The following NEDD9 variants were observed in gnomAD, a reference collection of about 807,000 sequenced individuals.
The protein encoded by NEDD9 is enhancer of filamentation 1.
Under a neutral mutation model 76.6 loss-of-function variants are expected in NEDD9, and 26 were observed. The ratio of observed to expected loss-of-function variants is 0.34; its 90% CI spans 0.25 to 0.47. The LOEUF is 0.47. Among genes scored for constraint, NEDD9 ranks in the 20% least tolerant of loss-of-function variants. The pLI is 1.00. For synonymous variants in NEDD9, 392 were observed against 414.2 expected (o/e 0.95, Z 0.65); for missense variants, 937 against 1,058.5 (o/e 0.89, Z 1.59).
intron 2 of NEDD9, chr6:11,201,125 G>A: frequency 6.4e-7 from 1 of 1,552,650 alleles, no homozygotes; most frequent in Non-Finnish European, 8.9e-7. Context: ...AAGTCTCCTT[G>A]GGGGCACTTC....
intron 2 of NEDD9, among the ~76,000 whole-genome samples, chr6:11,204,750 GA>G (rs1325786764): frequency 1.4e-5 from 2 of 140,134 alleles, no homozygotes; most frequent in African/African-American, 2.7e-5. Flanking sequence ...AAGAAAGAAA[GA>G]AAAGAAAAGG....
intron 3 of NEDD9, among the ~76,000 whole-genome samples, chr6:11,278,769 G>A (rs1345891508): frequency 6.6e-6 from 1 of 152,164 alleles, no homozygotes; most frequent in Non-Finnish European, 1.5e-5. Context: ...TTCTGGAGAT[G>A]GGACCCAGGA....
At position 11,347,805 on chromosome 6, in the gene NEDD9, A is replaced by G. The variant is rs139625305; in HGVS notation, c.-213-13244T>C. 3.3e-3 allele frequency among the ~76,000 whole-genome samples: 506 copies of G among 152,316 alleles called. 16 individuals carry two copies. The East Asian group carries it at 0.082, about 25-fold the overall frequency. On this transcript the variant is annotated intron_variant, in intron 1 of 3. Transcript: ENST00000397378. ...AAGAAACATACCTCAAAATAATAAG[A>G]GCCATCTGTGACAAACTCACAGCCA...
intron 2 of NEDD9, among the ~76,000 whole-genome samples, chr6:11,309,810 A>C (rs1232337832): frequency 6.6e-6 from 1 of 152,210 alleles, no homozygotes; most frequent in East Asian, 1.9e-4. Flanking sequence ...TGCTAATAAC[A>C]TCAGTAGAGG....
rs558182093 is a variant in NEDD9, at chr6:11,298,403, T to C, written c.12+7589A>G. On this transcript the variant is annotated intron_variant, in intron 3 of 3. Transcript: ENST00000397378. The stretch of plus-strand genomic sequence containing the variant: ...CCTCAAAGGCCCTTTTGACTCAACA[T>C]AGATAATTCTAAAGCAAATTAAAAA... Among the ~76,000 whole-genome samples, 57 of 152,324 alleles carry C rather than the reference T, an allele frequency of 3.7e-4. No homozygotes were observed. In the South Asian group the frequency reaches 0.011, roughly 30 times the overall value.
At chr6:11,330,823 A>T (rs1762021045) in intron 2 of NEDD9, among the ~76,000 whole-genome samples, 1 of 152,210 alleles carries the variant, frequency 6.6e-6, no homozygotes, top group African/African-American at 2.4e-5. Context: ...AAGTCCATGA[A>T]AGCCTCATTG....
chr6:11,282,376 C>A (rs921323784), intron 3 of NEDD9, among the ~76,000 whole-genome samples: 5 of 152,182 alleles, frequency 3.3e-5, no homozygotes, highest in African/African-American at 4.8e-5. Context: ...AGCAAGTCAC[C>A]ACATGGTGCC....
At chr6:11,272,616 G>A (rs1249231137) in intron 3 of NEDD9, among the ~76,000 whole-genome samples, 1 of 152,166 alleles carries the variant, frequency 6.6e-6, no homozygotes, top group Non-Finnish European at 1.5e-5. Flanking sequence ...AATAGTAGAA[G>A]GTGTGTTTCC....
rs1301165633 is a variant in NEDD9, at chr6:11,237,771, G to A, written c.13-24044C>T. On this transcript the variant is annotated intron_variant, in intron 3 of 3. Coordinates refer to the NEDD9 transcript ENST00000397378. The surrounding 1 kb of genome is among the most constrained non-coding windows in gnomAD (Gnocchi z 4.9). ...AAGTATTATTTGGTTGTCTCTAGAA[G>A]TTTGCCGACCCACACTCTAGATTAG... Among the ~76,000 whole-genome samples the A allele has an allele frequency of 6.6e-6, 1 of 152,128 alleles. No homozygotes were observed. The highest frequency in any genetic ancestry group is 1.5e-5 in the Non-Finnish European group (1 of 68,034).
intron 1 of NEDD9, among the ~76,000 whole-genome samples, chr6:11,374,015 T>A (rs982925845): frequency 6.6e-6 from 1 of 152,160 alleles, no homozygotes; most frequent in Non-Finnish European, 1.5e-5. Flanking sequence ...CCAGTCTCCA[T>A]AATTGTGTGA....
At chr6:11,233,866 T>C (rs1020680913), upstream of NEDD9, among the ~76,000 whole-genome samples, 1 of 152,012 alleles carries the variant, frequency 6.6e-6, no homozygotes, top group Admixed American at 6.5e-5. Context: ...ATGACTTGGA[T>C]GGAAAAATCA....
At chr6:11,232,156 G>A (rs1759487357) in intron 1 of NEDD9, among the ~76,000 whole-genome samples, 1 of 152,174 alleles carries the variant, frequency 6.6e-6, no homozygotes. Flanking sequence ...CCAGGCCTGG[G>A]GAAGCCAAGG....
chr6:11,325,214 G>A (rs1375622818), intron 2 of NEDD9, among the ~76,000 whole-genome samples: 1 of 152,084 alleles, frequency 6.6e-6, no homozygotes, highest in Non-Finnish European at 1.5e-5. Context: ...AATTAGCAGG[G>A]TGTGGTGCCG....
upstream of NEDD9, among the ~76,000 whole-genome samples, chr6:11,236,236 C>T (rs74870387): frequency 8.3e-3 from 1,262 of 152,304 alleles, 11 homozygotes; most frequent in Middle Eastern, 0.014. This position sits in a 1 kb window ranked among gnomAD's most constrained non-coding sequence, Gnocchi z 5.5. Flanking sequence ...TCTGGGCCTC[C>T]GGTTCCACTT....
intron 2 of NEDD9, among the ~76,000 whole-genome samples, chr6:11,322,532 G>A (rs1761831582): frequency 6.6e-6 from 1 of 152,134 alleles, no homozygotes; most frequent in African/African-American, 2.4e-5. Flanking sequence ...AAGCCTGCAA[G>A]GATGAGAGAG....
chr6:11,308,434 A>G (rs1761258688), intron 2 of NEDD9, among the ~76,000 whole-genome samples: 2 of 142,848 alleles, frequency 1.4e-5, no homozygotes, highest in South Asian at 2.2e-4. Context: ...CAGTGGCGCA[A>G]TCTCGGCTCA....
chr6:11,308,584 T>C (rs924566782), intron 2 of NEDD9, among the ~76,000 whole-genome samples: 2 of 152,070 alleles, frequency 1.3e-5, no homozygotes, highest in African/African-American at 4.8e-5. Flanking sequence ...TTAGCCAGGA[T>C]GGTCTTAATC....
At chr6:11,186,879 G>A (rs535768762) in intron 6 of NEDD9, among the ~76,000 whole-genome samples, 2 of 152,280 alleles carry the variant, frequency 1.3e-5, no homozygotes, top group East Asian at 1.9e-4. Context: ...GCCTCCCAAA[G>A]TGCTGGGATT....
intron 2 of NEDD9, among the ~76,000 whole-genome samples, chr6:11,333,501 T>C (rs949506171): frequency 3.3e-5 from 5 of 152,242 alleles, no homozygotes; most frequent in Admixed American, 2.6e-4. Flanking sequence ...CTTCCTCCTC[T>C]CGCTATGGAA....
Sources: gnomAD v4.1 joint callset for allele counts (sites outside exome capture counted in the v4.1 genomes callset) on GRCh38, gnomAD v4.1.1 for gene constraint, Gnocchi (gnomAD v3.1) non-coding constraint, MANE v1.5 for transcripts, NCBI Gene and HGNC (gene_info 2026-07-23, HGNC 2026-07-21) for gene names.